Variants in PCGF3 observed in about 807,000 individuals in gnomAD.
PCGF3 encodes polycomb group ring finger 3.
A neutral mutation model predicts 33.1 loss-of-function variants in PCGF3; 7 were observed. The ratio of observed to expected loss-of-function variants is 0.21; its 90% CI spans 0.12 to 0.40. The LOEUF is 0.40. PCGF3 is among the 10% of genes least tolerant of loss of function. PCGF3 has a pLI of 1.00. For missense variants in PCGF3, 211 were observed against 313.3 expected, an observed-to-expected ratio of 0.67 and a Z score of 2.46; for synonymous variants, 153 against 121.3, an observed-to-expected ratio of 1.26 and a Z score of -1.72.
At chr4:741,443 T>C (rs1324706363) in intron 6 of PCGF3, among the ~76,000 whole-genome samples, 5 of 152,238 alleles carry the variant, frequency 3.3e-5, no homozygotes, top group Admixed American at 6.5e-5. Context: ...GTTTTGCTCT[T>C]GTTGCCCAGG....
chr4:733,871 C>G, intron 4 of PCGF3, 82 bp downstream of exon 4: 8 of 1,608,856 alleles, frequency 5.0e-6, no homozygotes, highest in Non-Finnish European at 6.8e-6. Context: ...TTTGTGTTAC[C>G]ACACGCTTTT....
At chr4:711,454 C>CTTTTTTTTTTTTT (rs1248598317) in intron 1 of PCGF3, among the ~76,000 whole-genome samples, 1 of 82,894 alleles carries the variant, frequency 1.2e-5, no homozygotes. Flanking sequence ...TTTTTTTTTT[C>CTTTTTTTTTTTTT]TTTTTTTTTT....
In PCGF3 at chr4:737,518, G is replaced by A. The variant is rs1470005630; in HGVS notation, c.259G>A (p.Glu87Lys). The A allele has an allele frequency of 1.9e-6, 3 of 1,597,846 alleles. No individual in the cohort carries two copies. The highest frequency in any genetic ancestry group is 2.6e-6 in the Non-Finnish European group (3 of 1,165,404). ...TTACAAATTGGTACCAGGCCTCCAAGAAGGTGAGTGTCTGACTGTCTTGCT... is the reference window on the plus strand; with the variant it reads ...TTACAAATTGGTACCAGGCCTCCAAAAAGGTGAGTGTCTGACTGTCTTGCT... Residue 87 changes from glutamate to lysine, a missense_variant, in exon 6 of 11, where the codon GAA (glutamate) becomes AAA (lysine). Physicochemically the swap from Glu to Lys is moderately conservative, Grantham distance 56. Coordinates refer to ENST00000362003, the Ensembl canonical transcript of PCGF3.
chr4:738,885 T>A (rs1743962946), intron 6 of PCGF3, among the ~76,000 whole-genome samples: 1 of 151,664 alleles, frequency 6.6e-6, no homozygotes, highest in South Asian at 2.1e-4. Context: ...AAATAAAGTG[T>A]GCACTGGAGC....
intron 8 of PCGF3, among the ~76,000 whole-genome samples, chr4:753,559 C>T (rs182061327): frequency 1.2e-4 from 18 of 151,698 alleles, no homozygotes; most frequent in East Asian, 1.9e-4. Flanking sequence ...AGGATAATGG[C>T]GTAAACCCGG....
intron 4 of PCGF3, chr4:734,259 G>A (rs947960835): frequency 1.8e-5 from 26 of 1,474,480 alleles, no homozygotes; most frequent in Admixed American, 2.4e-5. Flanking sequence ...TACCGCTGAC[G>A]GGCAGGTGCC....
intron 1 of PCGF3, among the ~76,000 whole-genome samples, chr4:706,741 G>T (rs1742323672): frequency 7.6e-6 from 1 of 131,624 alleles, no homozygotes; most frequent in African/African-American, 3.0e-5. Context: ...CCCCAGCCCA[G>T]GCAGGACCCA....
At chr4:754,123 C>T (rs185212548) in intron 8 of PCGF3, among the ~76,000 whole-genome samples, 4 of 152,252 alleles carry the variant, frequency 2.6e-5, no homozygotes, top group East Asian at 1.9e-4. Context: ...CCTTACCGGG[C>T]CTGTTGACTT....
At chr4:733,186 G>T (rs1426721742) in intron 3 of PCGF3, among the ~76,000 whole-genome samples, 1 of 151,522 alleles carries the variant, frequency 6.6e-6, no homozygotes, top group Non-Finnish European at 1.5e-5. Context: ...TGGGGAGGAA[G>T]GGGTGTGAGC....
In PCGF3 at chr4:733,553, C is replaced by A. The variant is rs576623654; in HGVS notation, c.-9-119C>A. 19 of 1,013,696 alleles carry A rather than the reference C, an allele frequency of 1.9e-5. No homozygotes were observed. The East Asian group carries it at 4.6e-4, about 25-fold the overall frequency. 62.8% of individuals were successfully genotyped at this position (1,013,696 alleles called of 1,614,324 possible). A position where few individuals can be genotyped will look rare whatever the true frequency, so the allele number is the denominator to read the frequency against. On this transcript the variant is annotated intron_variant, in intron 3 of 10. Coordinates refer to ENST00000362003, the Ensembl canonical transcript of PCGF3. ...TGGGACCCCGTGAGCCCAAGAGGCT[C>A]CTGCCACCCAGGCCTCAGGGCCTGC...
At chr4:710,332 CAG>C (rs1485617330) in intron 1 of PCGF3, among the ~76,000 whole-genome samples, 2 of 152,232 alleles carry the variant, frequency 1.3e-5, no homozygotes, top group Non-Finnish European at 2.9e-5. Context: ...CATGCCTAGC[CAG>C]AGAGGGACAG....
At chr4:743,727 G>T in intron 7 of PCGF3, 143 bp downstream of exon 7, 1 of 594,114 alleles carries the variant, frequency 1.7e-6, no homozygotes, top group African/African-American at 1.9e-5. Context: ...GGGCGGTTAG[G>T]GTTCAAGGCG....
At chr4:726,178 C>G (rs1392528464) in intron 1 of PCGF3, among the ~76,000 whole-genome samples, 1 of 152,248 alleles carries the variant, frequency 6.6e-6, no homozygotes, top group Admixed American at 6.5e-5. Context: ...CAGCAGCCAT[C>G]TTGTCGGGTT....
chr4:733,569 CAG>C, intron 3 of PCGF3, 101 bp from the exon 4 acceptor site: 1 of 1,209,188 alleles, frequency 8.3e-7, no homozygotes, highest in Non-Finnish European at 1.1e-6. Flanking sequence ...ACCCAGGCCT[CAG>C]GGCCTGCACT....
intron 8 of PCGF3, chr4:756,875 G>C (rs62294063): frequency 0.076 from 11,499 of 152,260 alleles, 507 homozygotes; most frequent in South Asian, 0.14. Context: ...CCATGGCGAT[G>C]ATCGAGAAAG....
chr4:713,090 A>G (rs529228002), intron 1 of PCGF3, among the ~76,000 whole-genome samples: 52 of 126,292 alleles, frequency 4.1e-4, no homozygotes, highest in Non-Finnish European at 5.1e-4. Context: ...AGTGGGTCCT[A>G]TGTTCTTCGT....
intron 1 of PCGF3, among the ~76,000 whole-genome samples, chr4:722,998 G>A (rs1258732070): frequency 2.1e-5 from 3 of 145,798 alleles, no homozygotes; most frequent in Non-Finnish European, 4.5e-5. Flanking sequence ...CGTCCGTGCC[G>A]GGTCCACATT....
chr4:740,826 A>G (rs1301427105), intron 6 of PCGF3, among the ~76,000 whole-genome samples: 1 of 152,124 alleles, frequency 6.6e-6, no homozygotes, highest in Non-Finnish European at 1.5e-5. Flanking sequence ...TTCACCCGTA[A>G]GCCCGTCCGT....
At chr4:756,508 C>G (rs62294061) in intron 8 of PCGF3, among the ~76,000 whole-genome samples, 11 of 152,118 alleles carry the variant, frequency 7.2e-5, no homozygotes, top group Admixed American at 2.0e-4. Flanking sequence ...CCACTGCACC[C>G]GGCTCTTTTC....
Sources: allele counts gnomAD v4.1 joint callset (sites outside exome capture counted in the v4.1 genomes callset), GRCh38; gene constraint gnomAD v4.1.1; transcripts MANE v1.5; gene names NCBI Gene and HGNC (gene_info 2026-07-23, HGNC 2026-07-21).